The following SIL1 variants were observed in gnomAD, a reference collection of about 807,000 sequenced individuals.
SIL1 encodes SIL1 nucleotide exchange factor.
Under a neutral mutation model 49.1 loss-of-function variants are expected in SIL1, and 40 were observed. The observed-to-expected ratio is 0.81, with a 90% CI of 0.63 to 1.06. SIL1 has a LOEUF of 1.06. SIL1 is among the 50% of genes least tolerant of loss of function. The pLI is 0.00. For missense variants in SIL1, 500 were observed against 572.6 expected, an observed-to-expected ratio of 0.87 and a Z score of 1.29; for synonymous variants, 253 against 250.8, an observed-to-expected ratio of 1.01 and a Z score of -0.08.
At chr5:139,060,242 A>G (rs1417242836) in intron 3 of SIL1, among the ~76,000 whole-genome samples, 6 of 152,226 alleles carry the variant, frequency 3.9e-5, no homozygotes, top group Admixed American at 3.9e-4. Flanking sequence ...GAGCTATAAA[A>G]AAGAACAGTG....
chr5:138,980,216 C>T (rs1341313745), intron 7 of SIL1, among the ~76,000 whole-genome samples: 2 of 152,136 alleles, frequency 1.3e-5, no homozygotes, highest in African/African-American at 4.8e-5. Context: ...ATGAACTTGC[C>T]TCTTCTAGCC....
chr5:138,968,535 G>C (rs889356151), intron 7 of SIL1, among the ~76,000 whole-genome samples: 2 of 152,038 alleles, frequency 1.3e-5, no homozygotes, highest in African/African-American at 4.8e-5. Flanking sequence ...CTTCAGACAC[G>C]ATCTCCTCAG....
intron 7 of SIL1, among the ~76,000 whole-genome samples, chr5:138,992,639 AAAAT>A (rs2150406542): frequency 6.6e-6 from 1 of 152,308 alleles, no homozygotes; most frequent in African/African-American, 2.4e-5. Context: ...AAACATCAAA[AAAAT>A]AAATAATCCT....
chr5:138,951,355 G>T lies in SIL1; in HGVS notation c.865-20C>A. 6.4e-7 allele frequency: 1 copy of T among 1,551,182 alleles called. No homozygotes were observed. The highest frequency in any genetic ancestry group is 8.7e-7 in the Non-Finnish European group (1 of 1,146,948). On this transcript the variant is annotated intron_variant, in intron 8 of 9. Coordinates refer to ENST00000394817, the MANE Select transcript of SIL1 (RefSeq NM_022464.5). ...CAGGACCTGGGGGCACAGACCCAGGGGTAGGTGAGGGGCCAAGCGAGCTGG... is the reference window on the plus strand; with the variant it reads ...CAGGACCTGGGGGCACAGACCCAGGTGTAGGTGAGGGGCCAAGCGAGCTGG...
intron 3 of SIL1, among the ~76,000 whole-genome samples, chr5:139,065,062 T>G (rs1769675365): frequency 6.6e-6 from 1 of 152,170 alleles, no homozygotes; most frequent in Non-Finnish European, 1.5e-5. Context: ...CGGCTCTCAA[T>G]ACATACTTGA....
At chr5:139,190,590 C>T (rs886315240) in intron 1 of SIL1, among the ~76,000 whole-genome samples, 1 of 152,174 alleles carries the variant, frequency 6.6e-6, no homozygotes, top group Non-Finnish European at 1.5e-5. Flanking sequence ...ACTAGAGTCC[C>T]ACTATTATGT....
chr5:138,979,882 C>T (rs929574518), intron 7 of SIL1, among the ~76,000 whole-genome samples: 13 of 152,304 alleles, frequency 8.5e-5, no homozygotes, highest in Middle Eastern at 3.4e-3. Flanking sequence ...GAGAAGTGAA[C>T]GGCATCATCA....
intron 7 of SIL1, among the ~76,000 whole-genome samples, chr5:138,962,800 G>A (rs1211524254): frequency 3.3e-5 from 5 of 152,188 alleles, no homozygotes; most frequent in African/African-American, 1.2e-4. Context: ...TCATGGGGGA[G>A]AAATGTAATT....
intron 7 of SIL1, among the ~76,000 whole-genome samples, chr5:139,019,423 G>A (rs1046177311): frequency 9.9e-5 from 15 of 152,144 alleles, no homozygotes; most frequent in African/African-American, 2.4e-4. Flanking sequence ...ATGCTGTCAC[G>A]GTAACAGCCC....
chr5:139,170,333 G>T (rs1434483680), intron 1 of SIL1, among the ~76,000 whole-genome samples: 1 of 149,078 alleles, frequency 6.7e-6, no homozygotes, highest in Non-Finnish European at 1.5e-5. Flanking sequence ...CGCCCATCGT[G>T]TGGGACGTGA....
intron 1 of SIL1, among the ~76,000 whole-genome samples, chr5:139,175,834 A>G (rs11242452): frequency 0.36 from 54,185 of 152,070 alleles, 12,075 homozygotes; most frequent in South Asian, 0.52. Flanking sequence ...GTGGTGGCGC[A>G]TGCCTGTGAT....
intron 3 of SIL1, among the ~76,000 whole-genome samples, chr5:139,089,350 G>T (rs1426807142): frequency 6.6e-6 from 1 of 152,034 alleles, no homozygotes. Flanking sequence ...TGGAGGCCTG[G>T]CCTTCTACAT....
At chr5:139,078,515 C>T (rs1042476957) in intron 3 of SIL1, among the ~76,000 whole-genome samples, 1 of 152,210 alleles carries the variant, frequency 6.6e-6, no homozygotes, top group Non-Finnish European at 1.5e-5. Context: ...GCTTTCTCCA[C>T]CACTTCCTGC....
intron 1 of SIL1, among the ~76,000 whole-genome samples, chr5:139,169,831 CCCCTCT>C (rs1268990182): frequency 1.8e-4 from 17 of 93,884 alleles, no homozygotes; most frequent in Non-Finnish European, 4.5e-4. Context: ...TCTCCCCTCT[CCCCTCT>C]CCCTCTCCCC....
intron 6 of SIL1, among the ~76,000 whole-genome samples, chr5:139,023,193 G>T (rs1287482342): frequency 2.0e-5 from 3 of 152,156 alleles, no homozygotes; most frequent in African/African-American, 7.2e-5. Context: ...AGGAAGAAAC[G>T]ATTCATTCTG....
At chr5:138,966,145 A>T (rs887471876) in intron 7 of SIL1, among the ~76,000 whole-genome samples, 1 of 152,162 alleles carries the variant, frequency 6.6e-6, no homozygotes, top group Middle Eastern at 3.2e-3. Context: ...AACAAGTTCA[A>T]TATTGCTAGC....
intron 1 of SIL1, among the ~76,000 whole-genome samples, chr5:139,190,657 A>G (rs1028025937): frequency 3.9e-5 from 6 of 152,310 alleles, no homozygotes; most frequent in South Asian, 4.1e-4. Flanking sequence ...TCTGGGGCTC[A>G]GTTTTTGTCG....
At chr5:139,145,992 G>T (rs1249026197) in intron 1 of SIL1, among the ~76,000 whole-genome samples, 4 of 152,010 alleles carry the variant, frequency 2.6e-5, no homozygotes, top group Non-Finnish European at 5.9e-5. Context: ...GTGTGTGTAT[G>T]TATATGTATA....
At chr5:139,040,652 T>A (rs1391399108) in intron 5 of SIL1, among the ~76,000 whole-genome samples, 2 of 151,644 alleles carry the variant, frequency 1.3e-5, no homozygotes. Context: ...ACACATACCA[T>A]CATGCCCGGC....
Sources: gnomAD v4.1 joint callset for allele counts (sites outside exome capture counted in the v4.1 genomes callset) on GRCh38, gnomAD v4.1.1 for gene constraint, MANE v1.5 for transcripts, NCBI Gene and HGNC (gene_info 2026-07-23, HGNC 2026-07-21) for gene names.